Variants in PAPPA2 observed in about 807,000 individuals in gnomAD.
PAPPA2 encodes pappalysin 2, also known as pappalysin-2.
A neutral mutation model predicts 176.4 loss-of-function variants in PAPPA2; 86 were observed. The ratio of observed to expected loss-of-function variants is 0.49; its 90% confidence interval spans 0.41 to 0.58. The LOEUF (loss-of-function observed/expected upper bound fraction) is 0.58, where lower values mean the gene tolerates loss of function less well. Among genes scored for constraint, PAPPA2 ranks in the 20% least tolerant of loss-of-function variants. The pLI is 0.00. For missense variants in PAPPA2, 2,073 were observed against 2,256.9 expected, an observed-to-expected ratio of 0.92 and a Z score of 1.65; for synonymous variants, 809 against 852.2, an observed-to-expected ratio of 0.95 and a Z score of 0.88.
intron 1 of PAPPA2, among the ~76,000 whole-genome samples, chr1:176,492,716 ATAATCATAAAG>A (rs1647357005): frequency 2.6e-5 from 4 of 152,338 alleles, no homozygotes; most frequent in East Asian, 1.9e-4. Flanking sequence ...CTCAATTATA[ATAATCATAAAG>A]TAATCATAAA....
intron 1 of PAPPA2, among the ~76,000 whole-genome samples, chr1:176,515,302 A>G (rs184992179): frequency 7.2e-5 from 11 of 152,320 alleles, no homozygotes; most frequent in African/African-American, 2.6e-4. Context: ...ATGGCTTCCC[A>G]TAAAGAGAGA....
intron 4 of PAPPA2, among the ~76,000 whole-genome samples, chr1:176,689,733 C>G (rs978291218): frequency 6.6e-6 from 1 of 152,126 alleles, no homozygotes; most frequent in Non-Finnish European, 1.5e-5. Flanking sequence ...GATTCTCAAC[C>G]TAGGAAGTTT....
chr1:176,464,908 G>T (rs7531549), intron 1 of PAPPA2, among the ~76,000 whole-genome samples: 1 of 152,026 alleles, frequency 6.6e-6, no homozygotes, highest in Admixed American at 6.6e-5. Context: ...GGTTATCACC[G>T]GATAGGTGGC....
rs550898334 is a variant in PAPPA2, at chr1:176,791,999, G to A, written c.5020+517G>A. On this transcript the variant is annotated intron_variant, in intron 19 of 22. Coordinates refer to ENST00000367662, the MANE Select transcript of PAPPA2 (RefSeq NM_020318.3). Reference sequence around the variant, plus strand: ...TATGGTTTGTAGCTCCAAGATGAAAGGTGGGACTGTGTAGCCACATAGCAT... The same window carrying A: ...TATGGTTTGTAGCTCCAAGATGAAAAGTGGGACTGTGTAGCCACATAGCAT... 5.3e-5 allele frequency among the ~76,000 whole-genome samples: 8 copies of A among 152,318 alleles called. 1 individual carries two copies. The highest frequency in any genetic ancestry group is 1.4e-4 in the African/African-American group (6 of 41,566).
At chr1:176,813,405 A>C in intron 21 of PAPPA2, among the ~76,000 whole-genome samples, 1 of 152,310 alleles carries the variant, frequency 6.6e-6, no homozygotes, top group Non-Finnish European at 1.5e-5. Context: ...CACTCTCATC[A>C]ACAGTGTAAA....
At chr1:176,835,156 CA>C (rs1466686178) in intron 21 of PAPPA2, among the ~76,000 whole-genome samples, 5 of 152,242 alleles carry the variant, frequency 3.3e-5, no homozygotes, top group Admixed American at 6.5e-5. Context: ...ATGAAATCAT[CA>C]AATAGTGGTG....
intron 2 of PAPPA2, among the ~76,000 whole-genome samples, chr1:176,580,472 G>T (rs545190902): frequency 1.3e-5 from 2 of 152,254 alleles, no homozygotes; most frequent in South Asian, 4.1e-4. Context: ...AAAACATACT[G>T]ATTTCCTTTG....
At chr1:176,741,432 G>T (rs765098284) in intron 14 of PAPPA2, among the ~76,000 whole-genome samples, 37 of 152,286 alleles carry the variant, frequency 2.4e-4, no homozygotes, top group Non-Finnish European at 4.7e-4. Flanking sequence ...TTGTGACATG[G>T]CAGCCAGTGA....
chr1:176,648,003 T>G (rs1437710321), intron 3 of PAPPA2, among the ~76,000 whole-genome samples: 1 of 151,626 alleles, frequency 6.6e-6, no homozygotes, highest in Non-Finnish European at 1.5e-5. Flanking sequence ...TTGGTAGAAA[T>G]TGCATTGAAT....
At chr1:176,808,090 G>C (rs1024273905) in intron 21 of PAPPA2, among the ~76,000 whole-genome samples, 2 of 151,988 alleles carry the variant, frequency 1.3e-5, no homozygotes, top group African/African-American at 2.4e-5. Flanking sequence ...GGCTGTCTCT[G>C]GTCACACCTT....
chr1:176,650,395 T>TTTTA (rs754304102), intron 3 of PAPPA2, among the ~76,000 whole-genome samples: 45 of 151,284 alleles, frequency 3.0e-4, no homozygotes, highest in Admixed American at 8.6e-4. Context: ...TTCTATTTCT[T>TTTTA]TTTATTTATT....
intron 3 of PAPPA2, among the ~76,000 whole-genome samples, chr1:176,656,690 C>G (rs932285662): frequency 3.3e-5 from 5 of 151,724 alleles, no homozygotes; most frequent in African/African-American, 1.2e-4. Flanking sequence ...AAACCTCTTT[C>G]CTCAATTGCT....
At chr1:176,665,009 G>A (rs1382844219) in intron 3 of PAPPA2, among the ~76,000 whole-genome samples, 1 of 152,142 alleles carries the variant, frequency 6.6e-6, no homozygotes, top group Non-Finnish European at 1.5e-5. Flanking sequence ...AGCAAGGAAT[G>A]AGGGAGGAAT....
chr1:176,664,067 C>T (rs776376847), intron 3 of PAPPA2, among the ~76,000 whole-genome samples: 1 of 152,052 alleles, frequency 6.6e-6, no homozygotes, highest in African/African-American at 2.4e-5. Flanking sequence ...CATTTGATAC[C>T]ATCTTTTAAA....
At chr1:176,739,319 T>G (rs1229464858) in intron 12 of PAPPA2, among the ~76,000 whole-genome samples, 1 of 152,186 alleles carries the variant, frequency 6.6e-6, no homozygotes, top group Non-Finnish European at 1.5e-5. Flanking sequence ...AATGGTTTCT[T>G]TAAATGATTG....
chr1:176,490,011 A>G (rs1431019832), intron 1 of PAPPA2, among the ~76,000 whole-genome samples: 1 of 152,202 alleles, frequency 6.6e-6, no homozygotes, highest in Non-Finnish European at 1.5e-5. Context: ...GTTCTATGCC[A>G]GCTAGACCAG....
chr1:176,644,825 A>G (rs1320031111), intron 3 of PAPPA2, among the ~76,000 whole-genome samples: 1 of 151,872 alleles, frequency 6.6e-6, no homozygotes, highest in Non-Finnish European at 1.5e-5. Flanking sequence ...AAAGAAGAGT[A>G]GTTAGAAGAA....
intron 6 of PAPPA2, among the ~76,000 whole-genome samples, chr1:176,692,592 G>A (rs907254621): frequency 1.3e-5 from 2 of 152,214 alleles, no homozygotes; most frequent in African/African-American, 4.8e-5. Context: ...TTGGCAGAAC[G>A]GAGAGGGCAT....
At chr1:176,506,298 T>C (rs185888694) in intron 1 of PAPPA2, among the ~76,000 whole-genome samples, 197 of 152,290 alleles carry the variant, frequency 1.3e-3, no homozygotes, top group African/African-American at 4.5e-3. Context: ...CTTCTGGCTC[T>C]GTTCTTTTTG....
Sources: gnomAD v4.1 joint callset for allele counts (sites outside exome capture counted in the v4.1 genomes callset) on GRCh38, gnomAD v4.1.1 for gene constraint, MANE v1.5 for transcripts, NCBI Gene and HGNC (gene_info 2026-07-23, HGNC 2026-07-21) for gene names.